Variants in CDH12 observed in about 807,000 individuals in gnomAD.
The protein encoded by CDH12 is cadherin-12.
CDH12 carries 41 observed loss-of-function variants against 74.1 expected under a neutral mutation model. The ratio of observed to expected loss-of-function variants is 0.55; its 90% confidence interval spans 0.43 to 0.72. CDH12 has a LOEUF of 0.72. Among genes scored for constraint, CDH12 ranks in the 30% least tolerant of loss-of-function variants. The probability of loss-of-function intolerance (pLI) is 0.00; values close to 1 mark genes in which losing one functional copy is unlikely to be tolerated. For synonymous variants in CDH12, 399 were observed against 355.0 expected (o/e 1.12, Z -1.39); for missense variants, 945 against 977.2 (o/e 0.97, Z 0.44).
chr5:22,227,406 T>A (rs911480378), intron 3 of CDH12, among the ~76,000 whole-genome samples: 1 of 152,140 alleles, frequency 6.6e-6, no homozygotes, highest in Non-Finnish European at 1.5e-5. Flanking sequence ...TAGAAACATG[T>A]CAATAATTAC....
chr5:22,371,089 G>T (rs1741268872), intron 3 of CDH12, among the ~76,000 whole-genome samples: 1 of 152,082 alleles, frequency 6.6e-6, no homozygotes, highest in Non-Finnish European at 1.5e-5. Context: ...ATATACATCA[G>T]AGTATAATTA....
chr5:22,026,995 A>T (rs1335458781), intron 5 of CDH12, among the ~76,000 whole-genome samples: 1 of 152,148 alleles, frequency 6.6e-6, no homozygotes, highest in Non-Finnish European at 1.5e-5. Context: ...TCCCATCAAT[A>T]CCTAATTTAT....
At chr5:22,640,962 C>G (rs1344186335) in intron 1 of CDH12, among the ~76,000 whole-genome samples, 1 of 152,166 alleles carries the variant, frequency 6.6e-6, no homozygotes, top group Non-Finnish European at 1.5e-5. Flanking sequence ...TTAACATTTT[C>G]AAGCTTTCTG....
intron 10 of CDH12, among the ~76,000 whole-genome samples, chr5:21,784,604 A>G (rs1198889335): frequency 6.6e-6 from 1 of 152,110 alleles, no homozygotes; most frequent in East Asian, 1.9e-4. Context: ...ACAATACACA[A>G]ATTATTTGTC....
chr5:21,959,601 A>G (rs2150108759), intron 6 of CDH12, among the ~76,000 whole-genome samples: 1 of 152,024 alleles, frequency 6.6e-6, no homozygotes, highest in Non-Finnish European at 1.5e-5. Context: ...ACTTCAAACC[A>G]ACAAAGTTCA....
At chr5:22,679,600 G>A (rs1269347683) in intron 1 of CDH12, among the ~76,000 whole-genome samples, 4 of 151,722 alleles carry the variant, frequency 2.6e-5, no homozygotes, top group African/African-American at 9.7e-5. Context: ...AGATCTCCTG[G>A]GCATATTACT....
chr5:22,308,945 G>C (rs1161670210), intron 3 of CDH12, among the ~76,000 whole-genome samples: 5 of 69,982 alleles, frequency 7.1e-5, no homozygotes, highest in Non-Finnish European at 1.7e-4. Context: ...GAGAGAGAGA[G>C]AGGAGAGAGA....
chr5:21,881,014 G>A (rs772553866), intron 6 of CDH12, among the ~76,000 whole-genome samples: 3 of 151,782 alleles, frequency 2.0e-5, no homozygotes, highest in East Asian at 3.9e-4. Context: ...GCTACCCCTC[G>A]GGGAGAATAA....
At chr5:22,526,478 T>C (rs1361751513) in intron 1 of CDH12, among the ~76,000 whole-genome samples, 2 of 152,202 alleles carry the variant, frequency 1.3e-5, no homozygotes, top group Non-Finnish European at 2.9e-5. Context: ...TTAGTGGTCC[T>C]TATTGATGGG....
At chr5:22,461,699 TTTACTTTGCCTCCAA>T (rs1366956851) in intron 2 of CDH12, among the ~76,000 whole-genome samples, 2 of 151,934 alleles carry the variant, frequency 1.3e-5, no homozygotes, top group African/African-American at 4.8e-5. Flanking sequence ...TTTTACTTCA[TTTACTTTGCCTCCAA>T]TTATTTATTA....
At chr5:21,917,217 C>T (rs980753142) in intron 6 of CDH12, among the ~76,000 whole-genome samples, 7 of 152,126 alleles carry the variant, frequency 4.6e-5, no homozygotes, top group African/African-American at 1.2e-4. Context: ...GAGACAAAGA[C>T]AAGAGCTGGC....
At chr5:21,978,247 T>A (rs899763495) in intron 5 of CDH12, among the ~76,000 whole-genome samples, 5 of 152,122 alleles carry the variant, frequency 3.3e-5, no homozygotes, top group Non-Finnish European at 5.9e-5. Flanking sequence ...GTTCAAGCAA[T>A]TCTCCTGCCT....
intron 1 of CDH12, among the ~76,000 whole-genome samples, chr5:22,636,380 G>A (rs183498869): frequency 6.0e-4 from 92 of 152,192 alleles, no homozygotes; most frequent in Non-Finnish European, 1.2e-3. Flanking sequence ...ATTCATATTG[G>A]CATTATTTAT....
At chr5:22,368,430 C>T (rs1208571746) in intron 3 of CDH12, among the ~76,000 whole-genome samples, 1 of 150,916 alleles carries the variant, frequency 6.6e-6, no homozygotes, top group Non-Finnish European at 1.5e-5. Flanking sequence ...TCCCAAGTTG[C>T]TGGGACTACA....
intron 2 of CDH12, among the ~76,000 whole-genome samples, chr5:22,428,259 T>A (rs1274571338): frequency 6.6e-6 from 1 of 152,120 alleles, no homozygotes; most frequent in East Asian, 1.9e-4. Flanking sequence ...TGTGAGCATA[T>A]GTATATATAG....
At chr5:22,451,813 C>T (rs1250269459) in intron 2 of CDH12, among the ~76,000 whole-genome samples, 4 of 151,830 alleles carry the variant, frequency 2.6e-5, no homozygotes, top group Admixed American at 1.3e-4. Context: ...ATATATAAAA[C>T]CCTAAAGACT....
At chr5:22,320,916 T>C (rs1738848483) in intron 3 of CDH12, among the ~76,000 whole-genome samples, 1 of 152,174 alleles carries the variant, frequency 6.6e-6, no homozygotes, top group Non-Finnish European at 1.5e-5. Context: ...TTTTGAATAA[T>C]AACAATGCAG....
At chr5:22,716,995 A>G (rs1196966979) in intron 1 of CDH12, among the ~76,000 whole-genome samples, 1 of 152,222 alleles carries the variant, frequency 6.6e-6, no homozygotes, top group African/African-American at 2.4e-5. Flanking sequence ...CTATTACAAG[A>G]GCCAAAAAGT....
At chr5:22,114,977 T>A (rs1236668192) in intron 4 of CDH12, among the ~76,000 whole-genome samples, 1 of 152,172 alleles carries the variant, frequency 6.6e-6, no homozygotes, top group African/African-American at 2.4e-5. Context: ...ACTGCAAATC[T>A]CAGGAGAACA....
Sources: allele counts gnomAD v4.1 joint callset (sites outside exome capture counted in the v4.1 genomes callset), GRCh38; gene constraint gnomAD v4.1.1; transcripts MANE v1.5; gene names NCBI Gene and HGNC (gene_info 2026-07-23, HGNC 2026-07-21).